Variants in MCCC1 observed in about 807,000 individuals in gnomAD.
MCCC1 encodes methylcrotonoyl-CoA carboxylase subunit alpha, mitochondrial.
MCCC1 carries 64 observed loss-of-function variants against 83.8 expected under a neutral mutation model. The ratio of observed to expected loss-of-function variants is 0.76; its 90% CI spans 0.62 to 0.94. MCCC1 has a LOEUF of 0.94. Among genes scored for constraint, MCCC1 ranks in the 40% least tolerant of loss-of-function variants. The probability of loss-of-function intolerance (pLI) is 0.00; values close to 1 mark genes in which losing one functional copy is unlikely to be tolerated. For synonymous variants in MCCC1, 322 were observed against 315.4 expected, an observed-to-expected ratio of 1.02 and a Z score of -0.22; for missense variants, 807 against 904.7, an observed-to-expected ratio of 0.89 and a Z score of 1.39.
intron 9 of MCCC1, among the ~76,000 whole-genome samples, chr3:183,047,245 C>A (rs1714623968): frequency 6.6e-6 from 1 of 152,116 alleles, no homozygotes; most frequent in African/African-American, 2.4e-5. Flanking sequence ...ACTGTCCACC[C>A]TAAGGGGTGG....
intron 10 of MCCC1, among the ~76,000 whole-genome samples, chr3:183,043,214 C>T (rs1051922818): frequency 2.0e-5 from 3 of 152,204 alleles, no homozygotes; most frequent in Admixed American, 6.5e-5. Context: ...TGCTTGAAGC[C>T]GGGAGGTAGA....
At chr3:183,054,425 G>A (rs1042916129) in intron 8 of MCCC1, among the ~76,000 whole-genome samples, 3 of 151,564 alleles carry the variant, frequency 2.0e-5, no homozygotes, top group Non-Finnish European at 2.9e-5. Flanking sequence ...CTGACCTCGT[G>A]ATTCACCCGT....
At chr3:183,051,536 G>A (rs1258281855) in intron 9 of MCCC1, among the ~76,000 whole-genome samples, 1 of 152,136 alleles carries the variant, frequency 6.6e-6, no homozygotes, top group African/African-American at 2.4e-5. Context: ...TGAATAGACA[G>A]AGCACAGAGG....
Position 183,033,900 on chromosome 3 carries a change from A to G in MCCC1, c.1681+91T>C, listed in dbSNP as rs1179815184. On this transcript the variant is annotated intron_variant, in intron 14 of 18. Transcript: ENST00000265594. ...CCTAGGCATTTAAAAAATGTAACTG[A>G]CTGATCATGGCCAGGCTGGAATCCT... 9.2e-6 allele frequency: 9 copies of G among 973,118 alleles called. No individual in the cohort carries two copies. In the East Asian group the frequency reaches 1.9e-4, roughly 21 times the overall value. 60.3% of individuals were successfully genotyped at this position (973,118 alleles called of 1,614,324 possible).
intron 1 of MCCC1, among the ~76,000 whole-genome samples, chr3:183,110,230 T>A (rs1719470974): frequency 6.6e-6 from 1 of 152,170 alleles, no homozygotes; most frequent in African/African-American, 2.4e-5. Flanking sequence ...TTTTGCTGTG[T>A]AGAAGCTCTG....
At chr3:183,074,667 A>T (rs879877061) in intron 4 of MCCC1, among the ~76,000 whole-genome samples, 12 of 152,188 alleles carry the variant, frequency 7.9e-5, no homozygotes, top group Non-Finnish European at 1.6e-4. Context: ...AATGCTGGAT[A>T]CTCATATGTT....
In MCCC1 at chr3:183,072,350, A is replaced by G. The variant is rs1716758377; in HGVS notation, c.491+16T>C. ...GACCTTCATACAGTTATATTTTAAA[A>G]GATATAAACTCATACCTCTTTATAC... On this transcript the variant is annotated intron_variant, in intron 5 of 18. Coordinates refer to ENST00000265594, the MANE Select transcript of MCCC1 (RefSeq NM_020166.5). 2 of 1,613,086 alleles carry G rather than the reference A, an allele frequency of 1.2e-6. No individual in the cohort carries two copies. The highest frequency in any genetic ancestry group is 8.5e-7 in the Non-Finnish European group (1 of 1,179,340).
At chr3:183,069,380 C>G (rs1716485801) in intron 7 of MCCC1, among the ~76,000 whole-genome samples, 1 of 152,112 alleles carries the variant, frequency 6.6e-6, no homozygotes. Context: ...CTGAAATAAG[C>G]TATTGATGTC....
At chr3:183,106,081 T>A (rs866191610) in intron 1 of MCCC1, among the ~76,000 whole-genome samples, 52 of 101,066 alleles carry the variant, frequency 5.1e-4, no homozygotes, top group East Asian at 1.2e-3. Context: ...AGAGAGTCCG[T>A]AAAAAAAAAA....
In MCCC1 at chr3:183,037,224, C is replaced by A; in HGVS notation, c.1588G>T (p.Ala530Ser). The change falls in exon 13 of 19, where the codon GCA (alanine) becomes TCA (serine). Residue 530 changes from alanine (A) to serine (S), a missense_variant. Transcript: ENST00000265594. ...AGAGAAAAGCCTTCCATACCATGTG[C>A]CTGAAGAGTGAAAGTGTCGGTCATG... is the stretch of plus-strand genomic sequence containing the variant. ...KAMTDTFTLQ[A>S]HDQFSPFSSS... The A allele has an allele frequency of 6.2e-7, 1 of 1,613,418 alleles. No individual in the cohort carries two copies. The highest frequency in any genetic ancestry group is 8.5e-7 in the Non-Finnish European group (1 of 1,180,006).
At chr3:183,038,556 C>T (rs772037910) in intron 12 of MCCC1, among the ~76,000 whole-genome samples, 8 of 152,112 alleles carry the variant, frequency 5.3e-5, no homozygotes, top group Non-Finnish European at 8.8e-5. Context: ...TAATGTTCTA[C>T]AGAAAAATAA....
At chr3:183,024,618 C>A (rs201013625) in intron 15 of MCCC1, among the ~76,000 whole-genome samples, 49 of 148,588 alleles carry the variant, frequency 3.3e-4, no homozygotes, top group Admixed American at 4.7e-4. Context: ...TATTATAAAA[C>A]AAAAAAAAAA....
At chr3:183,030,328 C>A (rs554271477) in intron 14 of MCCC1, among the ~76,000 whole-genome samples, 1 of 152,200 alleles carries the variant, frequency 6.6e-6, no homozygotes, top group East Asian at 1.9e-4. Flanking sequence ...ACACAAAAAA[C>A]CAATACACAC....
rs1285687401 is a variant in MCCC1, at chr3:183,041,649, G to A, written c.1185C>T (p.Phe395=). 1 of 1,614,230 alleles carries A rather than the reference G, an allele frequency of 6.2e-7. No homozygotes were observed. Among genetic ancestry groups the A allele is most frequent in the East Asian group, 2.2e-5 (1 of 44,886 alleles). The change falls in exon 11 of 19, where the codon TTC becomes TTT. Residue 395 remains phenylalanine (F), a synonymous_variant. Transcript: ENST00000265594. The stretch of plus-strand genomic sequence containing the variant: ...GCACTAATGGGCCTGCCACAGGCAT[G>A]AAGTTATTGCTAGGATCTTCTGCAT... ...RIYAEDPSNN[F]MPVAGPLVHL...
intron 15 of MCCC1, among the ~76,000 whole-genome samples, chr3:183,025,186 G>A (rs1199368321): frequency 6.6e-6 from 1 of 152,210 alleles, no homozygotes; most frequent in Non-Finnish European, 1.5e-5. Context: ...AGTGAGTACG[G>A]AATTTTAGTT....
intron 1 of MCCC1, among the ~76,000 whole-genome samples, chr3:183,111,204 C>T (rs999635641): frequency 2.0e-5 from 3 of 152,196 alleles, no homozygotes; most frequent in Non-Finnish European, 4.4e-5. Context: ...CCGCTTCTGT[C>T]AACCCCTTTG....
chr3:183,103,913 G>A (rs931220413), upstream of MCCC1, among the ~76,000 whole-genome samples: 1 of 152,200 alleles, frequency 6.6e-6, no homozygotes, highest in African/African-American at 2.4e-5. Flanking sequence ...CCAAGGCCCG[G>A]CGAGAAATCC....
chr3:183,077,065 T>C (rs1441920106), intron 4 of MCCC1, among the ~76,000 whole-genome samples: 1 of 152,216 alleles, frequency 6.6e-6, no homozygotes, highest in South Asian at 2.1e-4. Flanking sequence ...CACAAATCAG[T>C]ACTTCATTCC....
At chr3:183,024,450 CAATTA>C (rs1451201113) in intron 15 of MCCC1, among the ~76,000 whole-genome samples, 2 of 151,630 alleles carry the variant, frequency 1.3e-5, no homozygotes, top group East Asian at 1.9e-4. Flanking sequence ...AACAACAAAA[CAATTA>C]AATTAAGAAA....
Sources: gnomAD v4.1 joint callset for allele counts (sites outside exome capture counted in the v4.1 genomes callset) on GRCh38, gnomAD v4.1.1 for gene constraint, MANE v1.5 for transcripts, NCBI Gene and HGNC (gene_info 2026-07-23, HGNC 2026-07-21) for gene names.